Variants in RRAGD observed in about 807,000 individuals in gnomAD.
RRAGD encodes Ras related GTP binding D.
A neutral mutation model predicts 35.5 loss-of-function variants in RRAGD; 12 were observed. That is an observed-to-expected ratio of 0.34 (90% CI 0.22 to 0.55). The LOEUF is 0.55. RRAGD is among the 20% of genes least tolerant of loss of function. The pLI, the probability that RRAGD is intolerant of heterozygous loss-of-function variation, is 0.91. For synonymous variants in RRAGD, 155 were observed against 178.9 expected (o/e 0.87, Z 1.07); for missense variants, 324 against 490.1 (o/e 0.66, Z 3.20).
At position 89,412,226 on chromosome 6, in the gene RRAGD, A is replaced by T. The variant is rs950893601; in HGVS notation, c.-233T>A. 7.0e-6 allele frequency: 2 copies of T among 285,830 alleles called. No individual in the cohort carries two copies. Among genetic ancestry groups the T allele is most frequent in the African/African-American group, 2.3e-5 (1 of 43,858 alleles). The allele number at this position is 285,830 out of a possible 1,614,324, so 17.7% of individuals were successfully genotyped here. A position where few individuals can be genotyped will look rare whatever the true frequency, so the allele number is the denominator to read the frequency against. On this transcript the variant is annotated 5_prime_UTR_variant, in exon 1 of 7. Coordinates refer to ENST00000369415, the MANE Select transcript of RRAGD (RefSeq NM_021244.5). This position sits in a 1 kb window ranked among gnomAD's most constrained non-coding sequence, Gnocchi z 4.2. ...CGCCCCGCCCGCCGGCGGAGGAGTC[A>T]GCCGGAGCGCGGCAGTTCCTCCCGG...
intron 2 of RRAGD, 46 bp from the exon 3 acceptor site, chr6:89,380,413 T>C: frequency 1.3e-6 from 2 of 1,541,816 alleles, no homozygotes; most frequent in Non-Finnish European, 1.8e-6. Context: ...CTTTGCTTCC[T>C]GAGCCTCCCA....
chr6:89,379,194 G>T, intron 4 of RRAGD, 30 bp downstream of exon 4: 1 of 1,156,746 alleles, frequency 8.6e-7, no homozygotes, highest in Non-Finnish European at 1.3e-6. Flanking sequence ...AATTCTACAA[G>T]TGACTCAAAC....
At chr6:89,408,540 C>T (rs1196826444) in intron 1 of RRAGD, among the ~76,000 whole-genome samples, 1 of 152,130 alleles carries the variant, frequency 6.6e-6, no homozygotes, top group African/African-American at 2.4e-5. Flanking sequence ...ATATGAATTG[C>T]TGGATTCACC....
chr6:89,411,888 C>G lies in RRAGD; in HGVS notation c.106G>C (p.Asp36His), dbSNP rs1769704305. The G allele has an allele frequency of 2.6e-6, 4 of 1,546,950 alleles. No individual in the cohort carries two copies. The South Asian group carries it at 4.7e-5, about 18-fold the overall frequency. The change falls in exon 1 of 7, where the codon GAC becomes CAC. Residue 36 changes from aspartate (D) to histidine (H), a missense_variant. By Grantham distance (81) the Asp-to-His change is moderately conservative. This residue lies in a region of RRAGD where 96 missense variants were observed against 78.7 expected (regional missense o/e 1.22). Transcript: ENST00000369415. This position sits in a 1 kb window ranked among gnomAD's most constrained non-coding sequence, Gnocchi z 5.6. ...VGLADYGDGP[D>H]SSDADPDSGT... Reference sequence around the variant, plus strand: ...CTGTCCGGATCGGCGTCGGAGGAGTCGGGCCCGTCTCCGTAGTCCGCTAGC... The same window carrying G: ...CTGTCCGGATCGGCGTCGGAGGAGTGGGGCCCGTCTCCGTAGTCCGCTAGC...
At position 89,411,967 on chromosome 6, in the gene RRAGD, C is replaced by T. The variant is rs2127901261; in HGVS notation, c.27G>A (p.Gln9=). The change falls in exon 1 of 7, where the codon CAG becomes CAA. Residue 9 remains glutamine (Q), a synonymous_variant. Coordinates refer to ENST00000369415, the MANE Select transcript of RRAGD (RefSeq NM_021244.5). This position sits in a 1 kb window ranked among gnomAD's most constrained non-coding sequence, Gnocchi z 5.6. The part of the protein sequence containing the change: MSQVLGKP[Q]PQDEDDAEEE... ...CCTCCGCGTCGTCCTCGTCCTGCGG[C>T]TGCGGCTTCCCCAGCACCTGGCTCA... The T allele has an allele frequency of 2.0e-6, 3 of 1,536,934 alleles. No individual in the cohort carries two copies. Among genetic ancestry groups the T allele is most frequent in the Non-Finnish European group, 2.6e-6 (3 of 1,146,008 alleles).
intron 1 of RRAGD, among the ~76,000 whole-genome samples, chr6:89,389,550 C>T (rs1042938867): frequency 7.0e-5 from 9 of 129,212 alleles, no homozygotes; most frequent in East Asian, 2.3e-4. Context: ...TGTGAGACTC[C>T]GTCTCAAAAA....
At chr6:89,381,411 T>C (rs1435195792) in intron 2 of RRAGD, among the ~76,000 whole-genome samples, 1 of 152,190 alleles carries the variant, frequency 6.6e-6, no homozygotes. Context: ...TGTGTATTTA[T>C]CTCTATTTAG....
intron 5 of RRAGD, among the ~76,000 whole-genome samples, chr6:89,376,327 GTGTGTGTGTGTC>G (rs1393075263): frequency 2.0e-5 from 3 of 149,350 alleles, no homozygotes; most frequent in Non-Finnish European, 4.5e-5. Context: ...GTGTGTGTGT[GTGTGTGTGTGTC>G]TAACAGTTAA....
chr6:89,379,006 G>GT (rs1768996682), intron 4 of RRAGD, among the ~76,000 whole-genome samples: 1 of 152,212 alleles, frequency 6.6e-6, no homozygotes, highest in Non-Finnish European at 1.5e-5. Flanking sequence ...TCAAGCCATC[G>GT]TAACGCCTCA....
intron 1 of RRAGD, among the ~76,000 whole-genome samples, chr6:89,409,970 A>C (rs1279730879): frequency 6.6e-6 from 1 of 152,212 alleles, no homozygotes; most frequent in African/African-American, 2.4e-5. Flanking sequence ...CCAAAAGCCC[A>C]TTCAGAAGGA....
chr6:89,384,525 T>A (rs1329588629), intron 2 of RRAGD, among the ~76,000 whole-genome samples: 1 of 151,942 alleles, frequency 6.6e-6, no homozygotes, highest in Non-Finnish European at 1.5e-5. Context: ...TTTTAAAAAG[T>A]ATAACTTTAG....
intron 2 of RRAGD, 91 bp downstream of exon 2, chr6:89,387,204 C>T: frequency 7.7e-7 from 1 of 1,292,858 alleles, no homozygotes. Flanking sequence ...GTAGAAAGGC[C>T]TATTCCAGAG....
In RRAGD at chr6:89,366,614, C is replaced by T. The variant is rs1347792835; in HGVS notation, c.*1442G>A. The T allele has an allele frequency of 1.3e-5, 2 of 149,616 alleles. No homozygotes were observed. The highest frequency in any genetic ancestry group is 3.9e-4 in the East Asian group (2 of 5,118). 9.3% of individuals were successfully genotyped at this position (149,616 alleles called of 1,614,324 possible). ...GACCAACTTTGATGTTCTTAGGAGG[C>T]TCTGCTTTAAAAAAAAAAAAATCTC... On this transcript the variant is annotated 3_prime_UTR_variant, in exon 7 of 7. Coordinates refer to ENST00000369415, the MANE Select transcript of RRAGD (RefSeq NM_021244.5).
chr6:89,388,340 C>T (rs781760471), intron 1 of RRAGD, among the ~76,000 whole-genome samples: 74 of 152,102 alleles, frequency 4.9e-4, no homozygotes, highest in Non-Finnish European at 5.3e-4. Flanking sequence ...GGGGAAAAGA[C>T]GAATGGGGAG....
chr6:89,411,938 T>A lies in RRAGD; in HGVS notation c.56A>T (p.Glu19Val), dbSNP rs1198145386. 7 of 1,540,786 alleles carry A rather than the reference T, an allele frequency of 4.5e-6. No homozygotes were observed. In the African/African-American group the frequency reaches 6.9e-5, roughly 15 times the overall value. The part of the protein sequence containing the change: ...QPQDEDDAEE[E>V]EEEDELVGLA... ...CCCCACCAGCTCATCCTCCTCCTCC[T>A]CCTCCTCCGCGTCGTCCTCGTCCTG... Residue 19 changes from glutamate to valine, a missense_variant, in exon 1 of 7, where the codon GAG (glutamate) becomes GTG (valine). Coordinates refer to ENST00000369415, the MANE Select transcript of RRAGD (RefSeq NM_021244.5). The surrounding 1 kb of genome is among the most constrained non-coding windows in gnomAD (Gnocchi z 5.6).
chr6:89,402,810 T>A (rs1054176082), intron 1 of RRAGD, among the ~76,000 whole-genome samples: 38 of 152,314 alleles, frequency 2.5e-4, no homozygotes, highest in African/African-American at 9.1e-4. Context: ...CTGACCTCGT[T>A]GGGTGAAAGT....
chr6:89,400,048 C>A (rs1769427677), intron 1 of RRAGD, among the ~76,000 whole-genome samples: 1 of 152,166 alleles, frequency 6.6e-6, no homozygotes, highest in Non-Finnish European at 1.5e-5. Flanking sequence ...CACCACCAAT[C>A]AGCTCTGTTT....
At position 89,411,745 on chromosome 6, in the gene RRAGD, C is replaced by G; in HGVS notation, c.148+101G>C. On this transcript the variant is annotated intron_variant, in intron 1 of 6. Coordinates refer to ENST00000369415, the MANE Select transcript of RRAGD (RefSeq NM_021244.5). This position sits in a 1 kb window ranked among gnomAD's most constrained non-coding sequence, Gnocchi z 5.6. Reference sequence around the variant, plus strand: ...CTCAACTGGACCCGCTCCCCTGGACCCCCTCCAAGTCGGTGGCTCGCGCAC... The same window carrying G: ...CTCAACTGGACCCGCTCCCCTGGACGCCCTCCAAGTCGGTGGCTCGCGCAC... 1.5e-6 allele frequency: 2 copies of G among 1,308,648 alleles called. No individual in the cohort carries two copies. Among genetic ancestry groups the G allele is most frequent in the Non-Finnish European group, 1.0e-6 (1 of 968,114 alleles). 81.1% of individuals were successfully genotyped at this position (1,308,648 alleles called of 1,614,324 possible). A position where few individuals can be genotyped will look rare whatever the true frequency, so the allele number is the denominator to read the frequency against.
intron 3 of RRAGD, among the ~76,000 whole-genome samples, chr6:89,379,589 G>T (rs560315926): frequency 6.6e-6 from 1 of 152,150 alleles, no homozygotes; most frequent in Non-Finnish European, 1.5e-5. Flanking sequence ...GCTTACAACC[G>T]CAGCAATCTG....
Sources: gnomAD v4.1 joint callset for allele counts (sites outside exome capture counted in the v4.1 genomes callset) on GRCh38, gnomAD v4.1.1 for gene constraint, gnomAD v4.1.1 regional missense constraint, Gnocchi (gnomAD v3.1) non-coding constraint, MANE v1.5 for transcripts, NCBI Gene and HGNC (gene_info 2026-07-23, HGNC 2026-07-21) for gene names.